The following MGAM variants were observed in gnomAD, a reference collection of about 807,000 sequenced individuals.
The protein encoded by MGAM is alpha-1,4-glucosidase.
A neutral mutation model predicts 358.8 loss-of-function variants in MGAM; 253 were observed. The observed-to-expected ratio is 0.71, with a 90% CI of 0.64 to 0.78. MGAM has a LOEUF of 0.78. MGAM is among the 30% of genes least tolerant of loss of function. The pLI is 0.00. For missense variants in MGAM, 3,080 were observed against 3,432.6 expected, an observed-to-expected ratio of 0.90 and a Z score of 2.57; for synonymous variants, 1,105 against 1,227.1, an observed-to-expected ratio of 0.90 and a Z score of 2.08.
chr7:142,092,020 G>A lies in MGAM; in HGVS notation c.6918G>A (p.Arg2306=), dbSNP rs144998440. The change falls in exon 58 of 71, where the codon AGG becomes AGA. Residue 2306 remains arginine, a synonymous_variant. Transcript: ENST00000475668. ...ACAACAATCCACAGAATCCAGAGAG[G>A]AGCTTGAAGTTTGATGGCATGTGGA... The part of the protein sequence containing the change: ...ELYNNPQNPE[R]SLKFDGMWID... 17,620 of 1,537,010 alleles carry A rather than the reference G, an allele frequency of 0.011. 2,145 individuals carry two copies. The African/African-American group carries it at 0.19, about 16-fold the overall frequency.
chr7:142,068,770 T>C, intron 43 of MGAM, 67 bp downstream of exon 43: 1 of 1,253,628 alleles, frequency 8.0e-7, no homozygotes, highest in Non-Finnish European at 1.1e-6. Context: ...TTAGGTCCGA[T>C]AGACCTTAGG....
intron 47 of MGAM, among the ~76,000 whole-genome samples, chr7:142,077,572 T>G (rs555136658): frequency 1.4e-5 from 2 of 145,332 alleles, no homozygotes; most frequent in East Asian, 4.1e-4. Flanking sequence ...TTTGCAGCCT[T>G]TATGCTTAGA....
chr7:142,047,743 C>G (rs1375392529), intron 21 of MGAM, 42 bp from the exon 22 acceptor site: 2 of 1,564,032 alleles, frequency 1.3e-6, no homozygotes, highest in Admixed American at 1.7e-5. Context: ...TGGCAAAATT[C>G]TCTGACTCCT....
At chr7:142,098,945 G>A (rs1816198566) in intron 66 of MGAM, among the ~76,000 whole-genome samples, 1 of 152,192 alleles carries the variant, frequency 6.6e-6, no homozygotes, top group Non-Finnish European at 1.5e-5. Context: ...ACTCATTCTA[G>A]AGCACAAGCT....
chr7:142,031,332 A>G (rs782491773), intron 12 of MGAM, among the ~76,000 whole-genome samples: 2 of 152,202 alleles, frequency 1.3e-5, no homozygotes, highest in Non-Finnish European at 2.9e-5. Context: ...TAGAATCCAC[A>G]GCTTATAGTG....
chr7:142,081,953 C>A, intron 50 of MGAM, 89 bp from the exon 51 acceptor site: 1 of 1,298,614 alleles, frequency 7.7e-7, no homozygotes, highest in South Asian at 1.2e-5. Context: ...GGGTAGGAAT[C>A]AAGTGTTCTG....
intron 70 of MGAM, 87 bp downstream of exon 70, chr7:142,103,526 C>A: frequency 7.9e-7 from 1 of 1,271,846 alleles, no homozygotes. Context: ...CCAAATGATG[C>A]CCTCTCCTGC....
At chr7:142,030,187 T>G in intron 10 of MGAM, 175 bp from the exon 11 acceptor site, 3 of 683,998 alleles carry the variant, frequency 4.4e-6, no homozygotes, top group South Asian at 4.0e-5. Context: ...CAACCAGTCG[T>G]GTGTTTTTGA....
chr7:142,065,366 G>T lies in MGAM; in HGVS notation c.4516G>T (p.Val1506Phe). ...GCAGGAGGTGACGGGACAGCGAGGG[G>T]TCGTCATCACCCGCTCCACATTTCC... Reference protein sequence around the residue: ...AVQEVTGQRGVVITRSTFPSS... With the variant: ...AVQEVTGQRGFVITRSTFPSS... Residue 1506 changes from valine (V) to phenylalanine (F), a missense_variant, in exon 38 of 71, where the codon GTC becomes TTC. By Grantham distance (50) the Val-to-Phe change is conservative. This residue lies in a region of MGAM where 134 missense variants were observed against 198.4 expected (regional missense o/e 0.68). Coordinates refer to ENST00000475668, the MANE Select transcript of MGAM (RefSeq NM_001365693.1). 1.2e-6 allele frequency: 2 copies of T among 1,610,622 alleles called. No homozygotes were observed. The highest frequency in any genetic ancestry group is 8.5e-7 in the Non-Finnish European group (1 of 1,178,624).
chr7:142,052,206 AT>A (rs71166554), intron 24 of MGAM, 87 bp from the exon 25 acceptor site: 400,678 of 1,029,778 alleles, frequency 0.39, 68,391 homozygotes, highest in Admixed American at 0.45. Flanking sequence ...TCTAATTTCT[AT>A]TTTTTTTTTA....
At chr7:142,089,121 A>G (rs1815128344) in intron 57 of MGAM, among the ~76,000 whole-genome samples, 1 of 145,884 alleles carries the variant, frequency 6.9e-6, no homozygotes, top group Admixed American at 7.0e-5. Context: ...CAAGCAGCCC[A>G]CATGGACACA....
rs781896542 is a variant in MGAM at position 142,031,680 on chromosome 7, G to T, written c.1471G>T (p.Val491Phe). Residue 491 changes from valine to phenylalanine, a missense_variant and splice_region_variant, in exon 13 of 71, where the codon GTC becomes TTC. By Grantham distance (50) the Val-to-Phe change is conservative (BLOSUM62 -1). This residue lies in a region of MGAM where 1,816 missense variants were observed against 1,840.5 expected (regional missense o/e 0.99). Coordinates refer to ENST00000475668, the MANE Select transcript of MGAM (RefSeq NM_001365693.1). ...CAGTGTTTTTCTTTTTCTCCTGAAG[G>T]TCTGGCCTGGACAAACTGTGTTTCC... ...SDGVTPLIGEVWPGQTVFPDY... is the reference protein window; with the variant it reads ...SDGVTPLIGEFWPGQTVFPDY... 5.1e-5 allele frequency: 82 copies of T among 1,601,380 alleles called. No homozygotes were observed. Among genetic ancestry groups the T allele is most frequent in the Admixed American group, 6.7e-5 (4 of 59,560 alleles).
rs543567272 is a variant in MGAM, at chr7:142,066,707, G to A, written c.4905G>A (p.Arg1635=). The A allele has an allele frequency of 2.0e-5, 31 of 1,554,942 alleles. 4 individuals are homozygous for A. In the African/African-American group the frequency reaches 2.3e-4, roughly 11 times the overall value. ...KAHTEGVTVV[R]PLLHEFVSDQ... ...ACACGGAGGGCGTCACTGTTGTGCG[G>A]CCTCTGCTCCATGAGTGAGTGTCCA... The change falls in exon 41 of 71, where the codon CGG becomes CGA. Residue 1635 remains arginine (R), a synonymous_variant. Transcript: ENST00000475668.
chr7:142,027,582 T>C, intron 9 of MGAM, 28 bp from the exon 10 acceptor site: 1 of 1,611,174 alleles, frequency 6.2e-7, no homozygotes, highest in African/African-American at 1.3e-5. Context: ...GAGTATTTGC[T>C]AATTTTCACT....
intron 44 of MGAM, among the ~76,000 whole-genome samples, chr7:142,071,747 C>G (rs936543188): frequency 2.1e-5 from 3 of 145,874 alleles, no homozygotes; most frequent in Non-Finnish European, 3.1e-5. Flanking sequence ...TTTCTTTTCT[C>G]CCGCTAAGAG....
In MGAM at chr7:142,070,866, C is replaced by T. The variant is rs561942644; in HGVS notation, c.5062-128C>T. On this transcript the variant is annotated intron_variant, in intron 43 of 70. Coordinates refer to ENST00000475668, the MANE Select transcript of MGAM (RefSeq NM_001365693.1). ...TGTGCGAATGCAGAATGGGTAATAG[C>T]AGGTATGTTGCAAAGGGTGATGAAC... The T allele has an allele frequency of 5.6e-6, 7 of 1,245,996 alleles. 2 individuals are homozygous for T. In the South Asian group the frequency reaches 9.5e-5, roughly 17 times the overall value. 77.2% of individuals were successfully genotyped at this position (1,245,996 alleles called of 1,614,324 possible). A position where few individuals can be genotyped will look rare whatever the true frequency, so the allele number is the denominator to read the frequency against.
chr7:142,064,132 G>A lies in MGAM; in HGVS notation c.4346-252G>A, dbSNP rs79238316. On this transcript the variant is annotated intron_variant, in intron 36 of 70. Transcript: ENST00000475668. ...AAGTCAAAAGCCTAAATCAGAGCCC[G>A]TCATGTAGTGTTTGACAGCTGTACG... Among the ~76,000 whole-genome samples the A allele has an allele frequency of 5.7e-3, 862 of 152,270 alleles. 9 individuals carry two copies. Among genetic ancestry groups the A allele is most frequent in the African/African-American group, 0.019 (797 of 41,542 alleles).
At chr7:142,065,290 T>A (rs1812611159) in intron 37 of MGAM, 45 bp from the exon 38 acceptor site, 1 of 1,588,286 alleles carries the variant, frequency 6.3e-7, no homozygotes, top group Admixed American at 1.8e-5. Context: ...TGGCCTTTAC[T>A]CCCTGGCTGT....
At position 142,047,869 on chromosome 7, in the gene MGAM, G is replaced by A. The variant is rs1334712003; in HGVS notation, c.2583G>A (p.Thr861=). 1.9e-6 allele frequency: 3 copies of A among 1,598,476 alleles called. No homozygotes were observed. The highest frequency in any genetic ancestry group is 1.1e-5 in the South Asian group (1 of 90,610). Residue 861 remains threonine, a synonymous_variant, in exon 22 of 71, where the codon ACG becomes ACA. Coordinates refer to ENST00000475668, the MANE Select transcript of MGAM (RefSeq NM_001365693.1). ...KGELFWDNGE[T]KDTVANKVYL... ...AACTTTTCTGGGATAATGGGGAAAC[G>A]AAGGGTGAGCACTTATACGATAATG...
Sources: gnomAD v4.1 joint callset for allele counts (sites outside exome capture counted in the v4.1 genomes callset) on GRCh38, gnomAD v4.1.1 for gene constraint, gnomAD v4.1.1 regional missense constraint, MANE v1.5 for transcripts, NCBI Gene and HGNC (gene_info 2026-07-23, HGNC 2026-07-21) for gene names.